PRKCA: variants seen among roughly 807,000 people sequenced by gnomAD.
PRKCA encodes the protein protein kinase C alpha.
PRKCA carries 27 observed loss-of-function variants against 87.0 expected under a neutral mutation model. The observed-to-expected ratio is 0.31, with a 90% CI of 0.23 to 0.43. PRKCA has a LOEUF of 0.43. Among genes scored for constraint, PRKCA ranks in the 20% least tolerant of loss-of-function variants. The pLI is 1.00. For missense variants in PRKCA, 518 were observed against 852.3 expected, an observed-to-expected ratio of 0.61 and a Z score of 4.88; for synonymous variants, 329 against 311.1, an observed-to-expected ratio of 1.06 and a Z score of -0.61.
intron 5 of PRKCA, among the ~76,000 whole-genome samples, chr17:66,658,736 A>G (rs1971805641): frequency 1.3e-5 from 2 of 152,232 alleles, no homozygotes; most frequent in African/African-American, 4.8e-5. Flanking sequence ...GTTTTACTCC[A>G]GTCACGTTAA....
intron 2 of PRKCA, among the ~76,000 whole-genome samples, chr17:66,489,574 G>A (rs1916143786): frequency 6.6e-6 from 1 of 151,406 alleles, no homozygotes; most frequent in Non-Finnish European, 1.5e-5. Flanking sequence ...GAGCAGGGAG[G>A]GTGCAAGGAA....
chr17:66,649,004 G>A (rs1253424004), intron 5 of PRKCA, among the ~76,000 whole-genome samples: 1 of 151,886 alleles, frequency 6.6e-6, no homozygotes, highest in East Asian at 1.9e-4. Flanking sequence ...GGCTGAGGCA[G>A]GATAATCGGT....
At chr17:66,561,040 G>A (rs1330572864) in intron 3 of PRKCA, among the ~76,000 whole-genome samples, 1 of 152,202 alleles carries the variant, frequency 6.6e-6, no homozygotes, top group African/African-American at 2.4e-5. Context: ...GGGATCTGAA[G>A]TACTAGCGAG....
chr17:66,437,945 T>C (rs1913496422), intron 2 of PRKCA, among the ~76,000 whole-genome samples: 2 of 151,660 alleles, frequency 1.3e-5, no homozygotes, highest in African/African-American at 4.9e-5. Flanking sequence ...AGTAAATAAG[T>C]GATTTTGCAA....
chr17:66,511,404 A>G (rs144299245), intron 3 of PRKCA, among the ~76,000 whole-genome samples: 41 of 152,360 alleles, frequency 2.7e-4, no homozygotes, highest in African/African-American at 5.3e-4. Flanking sequence ...GCAGGTCTTA[A>G]AATTAGAAAG....
chr17:66,314,982 T>C (rs1905243215), intron 2 of PRKCA, among the ~76,000 whole-genome samples: 1 of 151,976 alleles, frequency 6.6e-6, no homozygotes, highest in Non-Finnish European at 1.5e-5. Context: ...TGTGTGTATG[T>C]ATGTGTATAT....
At chr17:66,797,059 G>A in intron 16 of PRKCA, 1 of 899,556 alleles carries the variant, frequency 1.1e-6, no homozygotes, top group Non-Finnish European at 1.3e-6. Flanking sequence ...CTGAGACCAT[G>A]GGGTTGTATT....
At chr17:66,319,211 T>C (rs1419701739) in intron 2 of PRKCA, among the ~76,000 whole-genome samples, 3 of 152,166 alleles carry the variant, frequency 2.0e-5, no homozygotes, top group South Asian at 2.1e-4. Context: ...TGTGGAAGGA[T>C]AATTTAGAGG....
intron 2 of PRKCA, among the ~76,000 whole-genome samples, chr17:66,447,435 G>A (rs4790910): frequency 3.3e-3 from 507 of 152,244 alleles, no homozygotes; most frequent in Middle Eastern, 0.02. Context: ...ACTCCCAAAG[G>A]CACGGGGCCT....
chr17:66,721,558 T>A (rs1973618162), intron 8 of PRKCA, among the ~76,000 whole-genome samples: 1 of 151,766 alleles, frequency 6.6e-6, no homozygotes, highest in South Asian at 2.1e-4. Flanking sequence ...CACTGAGGGG[T>A]CCTTCCCTTT....
chr17:66,414,566 T>C (rs1186435657), intron 2 of PRKCA, among the ~76,000 whole-genome samples: 2 of 152,230 alleles, frequency 1.3e-5, no homozygotes, highest in Non-Finnish European at 1.5e-5. Flanking sequence ...ACATATTTCT[T>C]ATTACACAGC....
At chr17:66,602,194 C>T (rs1414992833) in intron 3 of PRKCA, among the ~76,000 whole-genome samples, 1 of 47,286 alleles carries the variant, frequency 2.1e-5, no homozygotes, top group East Asian at 4.1e-4. Context: ...AGTTTGATCT[C>T]AGACTGCTGT....
intron 3 of PRKCA, among the ~76,000 whole-genome samples, chr17:66,521,921 C>T (rs186988358): frequency 4.6e-5 from 7 of 152,292 alleles, no homozygotes; most frequent in African/African-American, 1.4e-4. Context: ...ATACAGAATG[C>T]TCTTTGAAAT....
At chr17:66,714,434 C>T (rs148074911) in intron 8 of PRKCA, among the ~76,000 whole-genome samples, 1 of 152,348 alleles carries the variant, frequency 6.6e-6, no homozygotes, top group African/African-American at 2.4e-5. Context: ...GCAGCCCCTC[C>T]TGCTGGAGAC....
intron 2 of PRKCA, among the ~76,000 whole-genome samples, chr17:66,418,615 T>G (rs1315375169): frequency 1.3e-5 from 2 of 152,114 alleles, no homozygotes; most frequent in African/African-American, 4.8e-5. Flanking sequence ...TTTTGTATTT[T>G]TAGTAGAGAC....
At chr17:66,305,021 C>G (rs1273068110) in intron 1 of PRKCA, among the ~76,000 whole-genome samples, 3 of 152,100 alleles carry the variant, frequency 2.0e-5, no homozygotes, top group Admixed American at 6.6e-5. Flanking sequence ...AGGATCAGCC[C>G]CTGGTGAGCT....
intron 6 of PRKCA, 145 bp from the exon 7 acceptor site, chr17:66,688,157 G>C (rs1442196716): frequency 1.0e-6 from 1 of 958,564 alleles, no homozygotes; most frequent in African/African-American, 1.7e-5. Context: ...CGCTTTGCTT[G>C]CCAGCATAAG....
At chr17:66,672,893 A>T (rs1972230025) in intron 5 of PRKCA, among the ~76,000 whole-genome samples, 1 of 152,230 alleles carries the variant, frequency 6.6e-6, no homozygotes, top group Non-Finnish European at 1.5e-5. Context: ...ACTGGCCATA[A>T]ACATGCTAAT....
chr17:66,465,304 ACTGATAG>A (rs1215828955), intron 2 of PRKCA, among the ~76,000 whole-genome samples: 1 of 152,206 alleles, frequency 6.6e-6, no homozygotes, highest in African/African-American at 2.4e-5. Flanking sequence ...TCCCTAAGAA[ACTGATAG>A]CATCGGGTAA....
Sources: allele counts gnomAD v4.1 joint callset (sites outside exome capture counted in the v4.1 genomes callset), GRCh38; gene constraint gnomAD v4.1.1; transcripts MANE v1.5; gene names NCBI Gene and HGNC (gene_info 2026-07-23, HGNC 2026-07-21).